Variants in SLC16A12 observed in about 807,000 individuals in gnomAD.
SLC16A12 encodes solute carrier family 16 member 12, also known as monocarboxylate transporter 12.
In SLC16A12, 17 loss-of-function variants were observed where a neutral mutation model predicts 42.4. The observed-to-expected ratio is 0.40, with a 90% CI of 0.27 to 0.60. The LOEUF (loss-of-function observed/expected upper bound fraction) is 0.60, where lower values mean the gene tolerates loss of function less well. Among genes scored for constraint, SLC16A12 ranks in the 20% least tolerant of loss-of-function variants. The pLI is 0.42. For synonymous variants in SLC16A12, 224 were observed against 229.4 expected (o/e 0.98, Z 0.21); for missense variants, 544 against 623.0 (o/e 0.87, Z 1.35).
chr10:89,539,333 C>T (rs1396669911), upstream of SLC16A12, among the ~76,000 whole-genome samples: 1 of 152,206 alleles, frequency 6.6e-6, no homozygotes, highest in Non-Finnish European at 1.5e-5. Context: ...CTCCCTTCCT[C>T]TTCTTCCCTA....
At chr10:89,552,850 G>A (rs1484129049) in intron 2 of SLC16A12, among the ~76,000 whole-genome samples, 1 of 152,186 alleles carries the variant, frequency 6.6e-6, no homozygotes, top group Non-Finnish European at 1.5e-5. Flanking sequence ...AATTAGCCAC[G>A]TGTAATGAAC....
intron 2 of SLC16A12, among the ~76,000 whole-genome samples, chr10:89,532,544 T>C (rs1160051913): frequency 6.6e-6 from 1 of 152,214 alleles, no homozygotes; most frequent in Non-Finnish European, 1.5e-5. Flanking sequence ...TGACTTTTTA[T>C]ATACACTGGA....
chr10:89,513,052 A>G (rs1367689993), intron 2 of SLC16A12, among the ~76,000 whole-genome samples: 1 of 152,214 alleles, frequency 6.6e-6, no homozygotes, highest in African/African-American at 2.4e-5. Flanking sequence ...TTTCTCAAGT[A>G]TTGAGAATAG....
intron 2 of SLC16A12, among the ~76,000 whole-genome samples, chr10:89,511,477 A>G (rs1843161270): frequency 6.6e-6 from 1 of 152,202 alleles, no homozygotes; most frequent in Admixed American, 6.5e-5. Flanking sequence ...AAGTAACACA[A>G]GAAGAGAAAA....
At chr10:89,520,757 G>A (rs1648426112) in intron 2 of SLC16A12, among the ~76,000 whole-genome samples, 1 of 150,310 alleles carries the variant, frequency 6.7e-6, no homozygotes, top group Admixed American at 6.6e-5. Context: ...ACCCCTGGGT[G>A]AAACTGAACC....
chr10:89,505,213 G>C lies in SLC16A12; in HGVS notation c.-47+29288C>G, dbSNP rs551907823. Among the ~76,000 whole-genome samples, 373 of 152,164 alleles carry C rather than the reference G, an allele frequency of 2.5e-3. 1 individual carries two copies. Among genetic ancestry groups the C allele is most frequent in the African/African-American group, 8.5e-3 (351 of 41,536 alleles). On this transcript the variant is annotated intron_variant, in intron 2 of 7. Coordinates refer to ENST00000371790, the MANE Select transcript of SLC16A12 (RefSeq NM_213606.4). The stretch of plus-strand genomic sequence containing the variant: ...TTATAATGTATGTAAATAGGAGATT[G>C]AGACCATCCTGGCTAACATGGTGAA...
chr10:89,554,147 A>AAGGAAGGAAGGAAGGAAG (rs1363375178), intron 2 of SLC16A12, among the ~76,000 whole-genome samples: 5 of 93,042 alleles, frequency 5.4e-5, no homozygotes, highest in South Asian at 6.7e-4. Flanking sequence ...AAGGAAGGAA[A>AAGGAAGGAAGGAAGGAAG]GAAAGAAAGA....
At chr10:89,554,143 GGAAA>G (rs1286619956) in intron 2 of SLC16A12, among the ~76,000 whole-genome samples, 5 of 146,384 alleles carry the variant, frequency 3.4e-5, no homozygotes, top group South Asian at 2.2e-4. Flanking sequence ...AAGGAAGGAA[GGAAA>G]GAAAGAAAGA....
At chr10:89,552,329 G>A (rs12098678) in intron 2 of SLC16A12, among the ~76,000 whole-genome samples, 11,733 of 152,262 alleles carry the variant, frequency 0.077, 665 homozygotes, top group African/African-American at 0.16. Flanking sequence ...ACTTATTATA[G>A]TTATATTAAA....
chr10:89,455,627 C>G (rs1281258597), intron 3 of SLC16A12, among the ~76,000 whole-genome samples: 1 of 152,172 alleles, frequency 6.6e-6, no homozygotes, highest in Non-Finnish European at 1.5e-5. Flanking sequence ...CCTCTGAACA[C>G]AGGCATGATA....
At chr10:89,542,755 G>A (rs1843722345) in intron 2 of SLC16A12, among the ~76,000 whole-genome samples, 1 of 152,082 alleles carries the variant, frequency 6.6e-6, no homozygotes, top group African/African-American at 2.4e-5. Flanking sequence ...TTGACACTGT[G>A]CCTTATATTC....
chr10:89,457,662 AT>A lies in SLC16A12; in HGVS notation c.200+4716del, dbSNP rs57114948. 5.3e-5 allele frequency among the ~76,000 whole-genome samples: 8 copies of A among 151,336 alleles called. No homozygotes were observed. The South Asian group carries it at 8.4e-4, about 16-fold the overall frequency. ...AATATTTTTATGTACAACCAGTTAC[AT>A]TTTTTTTTGTAGGCAGAGAACACAT... On this transcript the variant is annotated intron_variant, in intron 3 of 7. Transcript: ENST00000371790.
At chr10:89,524,312 A>C (rs974670877) in intron 2 of SLC16A12, among the ~76,000 whole-genome samples, 6 of 152,104 alleles carry the variant, frequency 3.9e-5, no homozygotes, top group Non-Finnish European at 7.3e-5. Context: ...CTTGTTCAAA[A>C]ACTCAAAGAA....
intron 3 of SLC16A12, among the ~76,000 whole-genome samples, chr10:89,459,734 G>A (rs905320779): frequency 4.6e-5 from 7 of 152,268 alleles, no homozygotes; most frequent in African/African-American, 1.7e-4. Context: ...GAGGTCAGGA[G>A]TTTGAGACCA....
At chr10:89,441,013 A>C (rs1841899304) in intron 5 of SLC16A12, 95 bp downstream of exon 5, 1 of 1,509,928 alleles carries the variant, frequency 6.6e-7, no homozygotes, top group African/African-American at 1.4e-5. Context: ...TTATGCATCT[A>C]ACAAAATGAA....
At chr10:89,484,013 G>A (rs1014682255) in intron 2 of SLC16A12, among the ~76,000 whole-genome samples, 3 of 152,150 alleles carry the variant, frequency 2.0e-5, no homozygotes, top group Non-Finnish European at 2.9e-5. Flanking sequence ...ACCCAGGTGT[G>A]GTGGCACATG....
intron 2 of SLC16A12, among the ~76,000 whole-genome samples, chr10:89,529,048 T>G (rs966309747): frequency 6.6e-6 from 1 of 152,220 alleles, no homozygotes; most frequent in Non-Finnish European, 1.5e-5. Flanking sequence ...TTTTTGATAG[T>G]TGTCTGGTTG....
chr10:89,541,471 C>T (rs111909696), intron 2 of SLC16A12, among the ~76,000 whole-genome samples: 12,547 of 152,118 alleles, frequency 0.082, 1,682 homozygotes, highest in African/African-American at 0.29. Context: ...GTGGTGAGCA[C>T]CTGTAACCCC....
chr10:89,494,792 G>C (rs1398326729), intron 2 of SLC16A12, among the ~76,000 whole-genome samples: 1 of 152,168 alleles, frequency 6.6e-6, no homozygotes, highest in African/African-American at 2.4e-5. Flanking sequence ...TCTAAAGACA[G>C]CAAGTGTGGG....
Sources: allele counts gnomAD v4.1 joint callset (sites outside exome capture counted in the v4.1 genomes callset), GRCh38; gene constraint gnomAD v4.1.1; transcripts MANE v1.5; gene names NCBI Gene and HGNC (gene_info 2026-07-23, HGNC 2026-07-21).